Variants in TXNL1 observed in about 807,000 individuals in gnomAD.
The protein encoded by TXNL1 is thioredoxin-like protein 1.
In TXNL1, 14 loss-of-function variants were observed where a neutral mutation model predicts 35.5. The observed-to-expected ratio is 0.39, with a 90% CI of 0.26 to 0.62. The LOEUF (loss-of-function observed/expected upper bound fraction) is 0.62, where lower values mean the gene tolerates loss of function less well. Ranked by LOEUF, TXNL1 falls within the 20% of genes least tolerant of loss-of-function variation. The pLI, the probability that TXNL1 is intolerant of heterozygous loss-of-function variation, is 0.47. For synonymous variants in TXNL1, 110 were observed against 115.5 expected (o/e 0.95, Z 0.31); for missense variants, 263 against 349.7 (o/e 0.75, Z 1.98).
Position 56,638,499 on chromosome 18 carries a change from A to C in TXNL1, c.-59T>G, listed in dbSNP as rs2024495663. The C allele has an allele frequency of 4.5e-6, 7 of 1,538,712 alleles. No homozygotes were observed. In the South Asian group the frequency reaches 7.0e-5, roughly 15 times the overall value. ...CCACTGGCTTTGAAACTGAAGGAGA[A>C]GACGATCTGGGAGAGGAAGGAGAGA... On this transcript the variant is annotated 5_prime_UTR_variant, in exon 1 of 8. Coordinates refer to ENST00000217515, the MANE Select transcript of TXNL1 (RefSeq NM_004786.3).
rs2023778608 is a variant in TXNL1, at chr18:56,599,219, A to G, written c.*3808T>C. ...TTTTACATGGACCACAAAGTTTAAA[A>G]GCGATCTTATTAGCCTACAAATCTC... On this transcript the variant is annotated 3_prime_UTR_variant, in exon 8 of 8. Transcript: ENST00000217515. 1 of 152,090 alleles carries G rather than the reference A, an allele frequency of 6.6e-6. No homozygotes were observed. Among genetic ancestry groups the G allele is most frequent in the Non-Finnish European group, 1.5e-5 (1 of 68,004 alleles). 9.4% of individuals were successfully genotyped at this position (152,090 alleles called of 1,614,324 possible).
Position 56,638,379 on chromosome 18 carries a change from C to G in TXNL1, c.62G>C (p.Gly21Ala), listed in dbSNP as rs2144349379. The change falls in exon 1 of 8, where the codon GGC becomes GCC. Residue 21 changes from glycine (G) to alanine (A), a missense_variant. Gly to Ala is a moderately conservative substitution (Grantham distance 60, BLOSUM62 0). Coordinates refer to ENST00000217515, the MANE Select transcript of TXNL1 (RefSeq NM_004786.3). The stretch of plus-strand genomic sequence containing the variant: ...GAACTTGACCACGGCGAGTCTGGAG[C>G]CCGCGCCGCTCAGCTCTGGCTGGAA... ...PDFQPELSGA[G>A]SRLAVVKFTM... 2.5e-6 allele frequency: 4 copies of G among 1,613,626 alleles called. No individual in the cohort carries two copies. Among genetic ancestry groups the G allele is most frequent in the Non-Finnish European group, 3.4e-6 (4 of 1,179,760 alleles).
At chr18:56,605,617 A>G (rs2023880540) in intron 7 of TXNL1, among the ~76,000 whole-genome samples, 1 of 152,192 alleles carries the variant, frequency 6.6e-6, no homozygotes, top group Non-Finnish European at 1.5e-5. Context: ...AAAAACATCT[A>G]CTTCCAATTA....
At chr18:56,630,876 C>T (rs555719597) in intron 1 of TXNL1, among the ~76,000 whole-genome samples, 3 of 150,622 alleles carry the variant, frequency 2.0e-5, no homozygotes, top group Non-Finnish European at 4.5e-5. Context: ...TCAAATAAAT[C>T]GATCATTTTC....
rs1319759829 is a variant in TXNL1, at chr18:56,602,766, G to C, written c.*261C>G. On this transcript the variant is annotated 3_prime_UTR_variant, in exon 8 of 8. Transcript: ENST00000217515. ...ACTTAAGTCTCTACTAAAATCAGAA[G>C]TTAACCAGTTTTCAAATACATGGAA... is the stretch of plus-strand genomic sequence containing the variant. The C allele has an allele frequency of 1.8e-6, 1 of 551,588 alleles. No homozygotes were observed. Among genetic ancestry groups the C allele is most frequent in the Non-Finnish European group, 3.2e-6 (1 of 312,940 alleles). The allele number at this position is 551,588 out of a possible 1,614,324, so 34.2% of individuals were successfully genotyped here.
intron 3 of TXNL1, among the ~76,000 whole-genome samples, chr18:56,623,687 T>A (rs187997138): frequency 3.7e-4 from 57 of 152,266 alleles, no homozygotes; most frequent in Non-Finnish European, 7.2e-4. Context: ...CCACACACTA[T>A]CCTTTAGATT....
chr18:56,627,916 C>CT (rs2024312421), intron 1 of TXNL1, among the ~76,000 whole-genome samples: 1 of 150,856 alleles, frequency 6.6e-6, no homozygotes, highest in Non-Finnish European at 1.5e-5. Context: ...AGATTAAAAC[C>CT]TTTTATTCAT....
chr18:56,611,440 T>G (rs2023989619), intron 6 of TXNL1, among the ~76,000 whole-genome samples: 1 of 150,084 alleles, frequency 6.7e-6, no homozygotes, highest in African/African-American at 2.5e-5. Context: ...AGGTGGAGGT[T>G]GCAGTGAGCT....
At chr18:56,622,016 A>C (rs900402793) in intron 3 of TXNL1, among the ~76,000 whole-genome samples, 36 of 151,636 alleles carry the variant, frequency 2.4e-4, no homozygotes, top group Non-Finnish European at 7.4e-5. Flanking sequence ...ATCTCAAAAA[A>C]AAAAAAAAAA....
intron 6 of TXNL1, among the ~76,000 whole-genome samples, chr18:56,611,747 G>A (rs2144290876): frequency 6.6e-6 from 1 of 151,352 alleles, no homozygotes; most frequent in East Asian, 2.0e-4. Context: ...AGGCTGGAGT[G>A]CAATGGCACG....
At chr18:56,634,565 AAGAC>A (rs1381796740) in intron 1 of TXNL1, among the ~76,000 whole-genome samples, 3 of 152,194 alleles carry the variant, frequency 2.0e-5, no homozygotes, top group African/African-American at 7.2e-5. Flanking sequence ...CAATGAGGAA[AAGAC>A]AGTGTTTTCG....
At chr18:56,607,434 G>A (rs1474562833) in intron 7 of TXNL1, among the ~76,000 whole-genome samples, 2 of 151,922 alleles carry the variant, frequency 1.3e-5, no homozygotes, top group Middle Eastern at 3.4e-3. Flanking sequence ...TGGGATTATA[G>A]GCATGAGCCA....
intron 1 of TXNL1, among the ~76,000 whole-genome samples, chr18:56,631,209 T>C (rs376862423): frequency 1.9e-4 from 29 of 152,280 alleles, no homozygotes; most frequent in African/African-American, 5.1e-4. Flanking sequence ...GATGTCTGTC[T>C]CCTTAACAGG....
intron 6 of TXNL1, among the ~76,000 whole-genome samples, chr18:56,611,984 G>GACT (rs756156129): frequency 5.5e-4 from 82 of 150,434 alleles, no homozygotes; most frequent in Non-Finnish European, 9.2e-4. Flanking sequence ...GAGGAGGGGG[G>GACT]ACTACAGGCA....
At chr18:56,629,189 T>A (rs1010581714) in intron 1 of TXNL1, among the ~76,000 whole-genome samples, 8 of 152,120 alleles carry the variant, frequency 5.3e-5, no homozygotes, top group Admixed American at 1.3e-4. Context: ...AATAGTAAAG[T>A]TAGAAAACAA....
chr18:56,614,390 C>A, intron 6 of TXNL1, 34 bp downstream of exon 6: 1 of 1,572,804 alleles, frequency 6.4e-7, no homozygotes, highest in Non-Finnish European at 8.7e-7. Context: ...TACTCACAAA[C>A]CTATTAAATA....
In TXNL1 at chr18:56,616,227, A is replaced by G; in HGVS notation, c.562+18T>C. On this transcript the variant is annotated intron_variant, in intron 5 of 7. Transcript: ENST00000217515. The stretch of plus-strand genomic sequence containing the variant: ...ACAAAGCAGAAGTTAGTTTAAAGAA[A>G]AGCTATCCTTTACTCACCATTATCT... The G allele has an allele frequency of 6.2e-7, 1 of 1,608,210 alleles. No homozygotes were observed. Among genetic ancestry groups the G allele is most frequent in the Non-Finnish European group, 8.5e-7 (1 of 1,176,110 alleles).
intron 1 of TXNL1, among the ~76,000 whole-genome samples, chr18:56,637,664 G>A (rs1028516533): frequency 6.6e-6 from 1 of 152,206 alleles, no homozygotes; most frequent in East Asian, 1.9e-4. Flanking sequence ...TAAGACATCC[G>A]GCCAACTGTC....
chr18:56,610,334 C>T (rs1474450069), intron 7 of TXNL1: 1 of 152,220 alleles, frequency 6.6e-6, no homozygotes, highest in Non-Finnish European at 1.5e-5. Flanking sequence ...CATTAGAAGT[C>T]GTTCCAGTAA....
Sources: gnomAD v4.1 joint callset for allele counts (sites outside exome capture counted in the v4.1 genomes callset) on GRCh38, gnomAD v4.1.1 for gene constraint, MANE v1.5 for transcripts, NCBI Gene and HGNC (gene_info 2026-07-23, HGNC 2026-07-21) for gene names.